Variants in ADAM29 observed in about 807,000 individuals in gnomAD.
ADAM29 encodes the protein ADAM metallopeptidase domain 29, also known as disintegrin and metalloproteinase domain-containing protein 29.
For missense variants in ADAM29, 969 were observed against 1,001.8 expected, an observed-to-expected ratio of 0.97 and a Z score of 0.44; for synonymous variants, 367 against 342.3, an observed-to-expected ratio of 1.07 and a Z score of -0.80.
intron 4 of ADAM29, among the ~76,000 whole-genome samples, chr4:174,946,588 A>G (rs1744863374): frequency 6.6e-6 from 1 of 152,024 alleles, no homozygotes; most frequent in Non-Finnish European, 1.5e-5. Flanking sequence ...TTCAAGGGGG[A>G]TGCTTCCAGG....
intron 4 of ADAM29, among the ~76,000 whole-genome samples, chr4:174,949,771 C>T (rs6841547): frequency 0.48 from 72,459 of 151,510 alleles, 18,467 homozygotes; most frequent in East Asian, 0.57. Flanking sequence ...ATTCTTGCAC[C>T]TCCTGTAAAA....
At chr4:174,919,700 T>C (rs1743062986) in intron 1 of ADAM29, among the ~76,000 whole-genome samples, 2 of 152,198 alleles carry the variant, frequency 1.3e-5, no homozygotes, top group Admixed American at 6.5e-5. Flanking sequence ...TTTGCTTTTA[T>C]GGCTTTCACC....
At chr4:174,949,472 A>G (rs946383474) in intron 4 of ADAM29, among the ~76,000 whole-genome samples, 1 of 152,114 alleles carries the variant, frequency 6.6e-6, no homozygotes, top group Non-Finnish European at 1.5e-5. Context: ...GTCCATGATA[A>G]GTGTAGGTCA....
At position 174,975,442 on chromosome 4, in the gene ADAM29, T is replaced by C; in HGVS notation, c.-84T>C. The C allele has an allele frequency of 7.3e-7, 1 of 1,377,056 alleles. No homozygotes were observed. Among genetic ancestry groups the C allele is most frequent in the South Asian group, 1.7e-5 (1 of 57,786 alleles). 85.3% of individuals were successfully genotyped at this position (1,377,056 alleles called of 1,614,324 possible). On this transcript the variant is annotated 5_prime_UTR_variant, in exon 5 of 5. Transcript: ENST00000359240. ...TCAGAAGAAGGAGCCACACCACCTGTGACTCCAGCCCTGACTTCTGCTCTG... is the reference window on the plus strand; with the variant it reads ...TCAGAAGAAGGAGCCACACCACCTGCGACTCCAGCCCTGACTTCTGCTCTG...
chr4:174,946,730 G>A (rs1005367666), intron 4 of ADAM29, among the ~76,000 whole-genome samples: 27 of 152,202 alleles, frequency 1.8e-4, no homozygotes, highest in African/African-American at 6.3e-4. Context: ...ATATCTTCCA[G>A]GTTTTGGTAT....
intron 2 of ADAM29, among the ~76,000 whole-genome samples, chr4:174,926,342 C>T (rs911967130): frequency 1.2e-4 from 19 of 152,098 alleles, no homozygotes; most frequent in African/African-American, 4.6e-4. Flanking sequence ...AGAAACTTCT[C>T]CTAGTTGTCA....
At chr4:174,924,576 C>A (rs1043383322) in intron 2 of ADAM29, among the ~76,000 whole-genome samples, 9 of 152,104 alleles carry the variant, frequency 5.9e-5, no homozygotes, top group Admixed American at 2.6e-4. Flanking sequence ...CTTCAGTATG[C>A]TAATGAATAA....
chr4:174,948,011 G>A (rs1315837433), intron 4 of ADAM29, among the ~76,000 whole-genome samples: 1 of 152,158 alleles, frequency 6.6e-6, no homozygotes, highest in Non-Finnish European at 1.5e-5. Context: ...AGTGTTCCAG[G>A]TGTATCAGAT....
chr4:174,956,752 A>G (rs1745529040), intron 4 of ADAM29, among the ~76,000 whole-genome samples: 1 of 151,866 alleles, frequency 6.6e-6, no homozygotes, highest in Non-Finnish European at 1.5e-5. Flanking sequence ...CCTGCTGCAT[A>G]CAGGTCCTAG....
At chr4:174,943,854 CTAATAGTTTTATTA>C (rs1404434936) in intron 4 of ADAM29, among the ~76,000 whole-genome samples, 4 of 151,212 alleles carry the variant, frequency 2.6e-5, no homozygotes, top group African/African-American at 4.9e-5. Flanking sequence ...ATTATAAAAC[CTAATAGTTTTATTA>C]TAATAATACA....
chr4:174,923,560 T>TAC (rs1743307036), intron 2 of ADAM29, among the ~76,000 whole-genome samples: 3 of 115,890 alleles, frequency 2.6e-5, no homozygotes, highest in South Asian at 2.7e-4. Flanking sequence ...TATATATATA[T>TAC]ACACACACAC....
At chr4:174,919,096 C>T (rs1257019101) in intron 1 of ADAM29, 2 of 152,270 alleles carry the variant, frequency 1.3e-5, no homozygotes, top group South Asian at 4.1e-4. Flanking sequence ...TACTTTGTGG[C>T]ATTCTAAAGT....
At chr4:174,970,012 C>T (rs1377199082) in intron 4 of ADAM29, among the ~76,000 whole-genome samples, 1 of 151,980 alleles carries the variant, frequency 6.6e-6, no homozygotes, top group Non-Finnish European at 1.5e-5. Flanking sequence ...GTCTCCACAT[C>T]CTCACTGACT....
At chr4:174,964,301 T>C (rs1342853510) in intron 4 of ADAM29, among the ~76,000 whole-genome samples, 3 of 151,772 alleles carry the variant, frequency 2.0e-5, no homozygotes, top group Admixed American at 6.6e-5. Flanking sequence ...AAAAAAACCA[T>C]GTAAGGCCCC....
chr4:174,974,897 TTAGA>T (rs1270501561), intron 4 of ADAM29, among the ~76,000 whole-genome samples: 1 of 152,202 alleles, frequency 6.6e-6, no homozygotes. Context: ...AAAATGTCTC[TTAGA>T]TAATGTTTTC....
chr4:174,976,525 C>A lies in ADAM29; in HGVS notation c.1000C>A (p.Leu334Ile). 6.2e-7 allele frequency: 1 copy of A among 1,608,474 alleles called. No homozygotes were observed. Among genetic ancestry groups the A allele is most frequent in the South Asian group, 1.1e-5 (1 of 89,768 alleles). Residue 334 changes from leucine (L) to isoleucine (I), a missense_variant, in exon 5 of 5, where the codon CTA (leucine) becomes ATA (isoleucine). Physicochemically the swap from Leu to Ile is conservative, Grantham distance 5. Coordinates refer to ENST00000359240, the MANE Select transcript of ADAM29 (RefSeq NM_014269.4). ...TTTTTCAATTGCAGTGGCTCATCAT[C>A]TAGGTCATAATTTGGGCATGAACCA... Reference protein sequence around the residue: ...GTFSIAVAHHLGHNLGMNHDE... With the variant: ...GTFSIAVAHHIGHNLGMNHDE...
At chr4:174,974,925 T>C (rs2111113006) in intron 4 of ADAM29, among the ~76,000 whole-genome samples, 1 of 152,338 alleles carries the variant, frequency 6.6e-6, no homozygotes, top group East Asian at 1.9e-4. Context: ...TAATTTATCA[T>C]CTGAAATGGA....
chr4:174,930,182 G>A (rs1743780504), intron 2 of ADAM29, among the ~76,000 whole-genome samples: 1 of 152,006 alleles, frequency 6.6e-6, no homozygotes, highest in Non-Finnish European at 1.5e-5. Flanking sequence ...TGCCCACTTC[G>A]GCCTCCCAAA....
At chr4:174,953,820 C>T (rs1391983360) in intron 4 of ADAM29, among the ~76,000 whole-genome samples, 1 of 152,124 alleles carries the variant, frequency 6.6e-6, no homozygotes, top group East Asian at 1.9e-4. Flanking sequence ...AGCTATTCTC[C>T]TCCCTCAGCC....
Sources: gnomAD v4.1 joint callset for allele counts (sites outside exome capture counted in the v4.1 genomes callset) on GRCh38, gnomAD v4.1.1 for gene constraint, MANE v1.5 for transcripts, NCBI Gene and HGNC (gene_info 2026-07-23, HGNC 2026-07-21) for gene names.